Variants in TXNRD2 observed in about 807,000 individuals in gnomAD.
The protein encoded by TXNRD2 is thioredoxin reductase 2.
A neutral mutation model predicts 70.8 loss-of-function variants in TXNRD2; 67 were observed. The ratio of observed to expected loss-of-function variants is 0.95; its 90% CI spans 0.78 to 1.16. The LOEUF (loss-of-function observed/expected upper bound fraction) is 1.16. TXNRD2 is among the 50% of genes most tolerant of loss of function. TXNRD2 has a pLI of 0.00. For synonymous variants in TXNRD2, 301 were observed against 295.8 expected, an observed-to-expected ratio of 1.02 and a Z score of -0.18; for missense variants, 644 against 719.9, an observed-to-expected ratio of 0.89 and a Z score of 1.21.
At chr22:19,928,870 G>C (rs1941251122) in intron 2 of TXNRD2, among the ~76,000 whole-genome samples, 1 of 151,884 alleles carries the variant, frequency 6.6e-6, no homozygotes, top group African/African-American at 2.4e-5. Flanking sequence ...GCCAGGTGTG[G>C]TGGCAGGCGC....
At position 19,883,462 on chromosome 22, in the gene TXNRD2, C is replaced by T; in HGVS notation, c.950-1G>A. The T allele has an allele frequency of 1.9e-6, 3 of 1,614,052 alleles. No individual in the cohort carries two copies. The highest frequency in any genetic ancestry group is 2.5e-6 in the Non-Finnish European group (3 of 1,180,026). On this transcript the variant is annotated splice_acceptor_variant, in intron 11 of 17. Coordinates refer to ENST00000400521, the MANE Select transcript of TXNRD2 (RefSeq NM_006440.5). LOFTEE classifies it high-confidence loss of function. ...AGACTTCTGGTGTCTGGGACTCGAC[C>T]TGAAGGAAACAGAGAGGGGGCTGAA...
intron 8 of TXNRD2, among the ~76,000 whole-genome samples, chr22:19,902,459 A>T (rs1223656939): frequency 6.6e-6 from 1 of 152,200 alleles, no homozygotes; most frequent in Non-Finnish European, 1.5e-5. Flanking sequence ...ATACTCACAC[A>T]AAGTGAGTCT....
chr22:19,909,034 A>G (rs58879524), intron 8 of TXNRD2, among the ~76,000 whole-genome samples: 5,279 of 152,018 alleles, frequency 0.035, 135 homozygotes, highest in South Asian at 0.087. Flanking sequence ...GTGAAACCCC[A>G]TCTCCACTAA....
chr22:19,880,470 A>T, intron 13 of TXNRD2, 152 bp downstream of exon 13: 2 of 844,390 alleles, frequency 2.4e-6, no homozygotes, highest in South Asian at 1.4e-5. Context: ...ATGCACACAC[A>T]CGTGTGTACA....
Position 19,893,249 on chromosome 22 carries a change from T to C in TXNRD2, c.949+2158A>G, listed in dbSNP as rs917113483. On this transcript the variant is annotated intron_variant, in intron 11 of 17. Coordinates refer to ENST00000400521, the MANE Select transcript of TXNRD2 (RefSeq NM_006440.5). Reference sequence around the variant, plus strand: ...GGTGATCTGAGAGGGACCCTGGCTCTGATCTTGGGCTCTCGCAGGGGACAA... The same window carrying C: ...GGTGATCTGAGAGGGACCCTGGCTCCGATCTTGGGCTCTCGCAGGGGACAA... Among the ~76,000 whole-genome samples the C allele has an allele frequency of 3.9e-5, 6 of 152,358 alleles. No individual in the cohort carries two copies. In the East Asian group the frequency reaches 1.2e-3, roughly 29 times the overall value.
chr22:19,891,033 G>T (rs573559844), intron 11 of TXNRD2, among the ~76,000 whole-genome samples: 1 of 152,230 alleles, frequency 6.6e-6, no homozygotes, highest in Admixed American at 6.5e-5. Context: ...GGTGGCCTCT[G>T]TGTGGTGCCA....
intron 8 of TXNRD2, among the ~76,000 whole-genome samples, chr22:19,904,433 G>A (rs1475845579): frequency 2.0e-5 from 3 of 152,242 alleles, no homozygotes; most frequent in East Asian, 3.8e-4. Flanking sequence ...GGCTCCCTAA[G>A]ACCTGGATGC....
intron 11 of TXNRD2, among the ~76,000 whole-genome samples, chr22:19,888,937 C>T (rs1274409767): frequency 6.6e-6 from 1 of 151,728 alleles, no homozygotes. Flanking sequence ...GGCCCCTACC[C>T]GCAGCTATGA....
intron 16 of TXNRD2, 58 bp downstream of exon 16, chr22:19,878,032 G>T: frequency 7.0e-7 from 1 of 1,432,710 alleles, no homozygotes; most frequent in Non-Finnish European, 9.7e-7. Context: ...AGGACTGCCG[G>T]CACTCGAGGG....
At chr22:19,909,608 C>T (rs1226376353) in intron 8 of TXNRD2, among the ~76,000 whole-genome samples, 2 of 137,760 alleles carry the variant, frequency 1.5e-5, no homozygotes, top group African/African-American at 5.4e-5. Context: ...CACTCACACA[C>T]ACACACCACA....
chr22:19,919,062 C>T (rs1204885906), intron 3 of TXNRD2, 58 bp from the exon 4 acceptor site: 5 of 1,563,016 alleles, frequency 3.2e-6, no homozygotes, highest in African/African-American at 2.7e-5. Flanking sequence ...GGAGGCTTCC[C>T]TGTTCTTCTA....
At chr22:19,925,086 C>A (rs56159572) in intron 2 of TXNRD2, among the ~76,000 whole-genome samples, 1 of 151,458 alleles carries the variant, frequency 6.6e-6, no homozygotes, top group Non-Finnish European at 1.5e-5. Context: ...AGATCGAGAC[C>A]ATCCTGGCTA....
At chr22:19,912,686 T>A (rs2146029078) in intron 7 of TXNRD2, among the ~76,000 whole-genome samples, 1 of 151,998 alleles carries the variant, frequency 6.6e-6, no homozygotes, top group South Asian at 2.1e-4. Context: ...CACAGTGTCA[T>A]CCTACAAAGT....
intron 14 of TXNRD2, among the ~76,000 whole-genome samples, 156 bp downstream of exon 14, chr22:19,880,023 T>C (rs1569070411): frequency 6.6e-6 from 1 of 152,202 alleles, no homozygotes; most frequent in Admixed American, 6.5e-5. Flanking sequence ...CTTCTGAGGC[T>C]GCCCCCAACG....
intron 2 of TXNRD2, among the ~76,000 whole-genome samples, chr22:19,928,296 A>G (rs1255326307): frequency 6.6e-6 from 1 of 152,194 alleles, no homozygotes. Flanking sequence ...TACTGTCCAC[A>G]ATGGCCAAAA....
At chr22:19,923,989 A>G (rs1277549360) in intron 2 of TXNRD2, among the ~76,000 whole-genome samples, 1 of 151,776 alleles carries the variant, frequency 6.6e-6, no homozygotes, top group East Asian at 1.9e-4. Context: ...AATTTAAAAA[A>G]AGGCTTTTTT....
At chr22:19,889,652 A>T (rs957890663) in intron 11 of TXNRD2, among the ~76,000 whole-genome samples, 2 of 149,526 alleles carry the variant, frequency 1.3e-5, no homozygotes, top group Non-Finnish European at 3.0e-5. Context: ...TATTATTATT[A>T]ATTATTTGAA....
At chr22:19,924,521 C>T (rs575021359) in intron 2 of TXNRD2, among the ~76,000 whole-genome samples, 1 of 152,280 alleles carries the variant, frequency 6.6e-6, no homozygotes, top group African/African-American at 2.4e-5. Context: ...TTCTCCTCAG[C>T]TCACTGCCCC....
intron 11 of TXNRD2, among the ~76,000 whole-genome samples, chr22:19,889,960 T>C (rs1485901854): frequency 1.3e-5 from 2 of 152,204 alleles, no homozygotes; most frequent in Non-Finnish European, 2.9e-5. Context: ...GTACTGAATT[T>C]GTCATGGTAA....
Sources: gnomAD v4.1 joint callset for allele counts (sites outside exome capture counted in the v4.1 genomes callset) on GRCh38, gnomAD v4.1.1 for gene constraint, MANE v1.5 for transcripts, NCBI Gene and HGNC (gene_info 2026-07-23, HGNC 2026-07-21) for gene names.